Variants in ZNF385D observed in about 807,000 individuals in gnomAD.
ZNF385D encodes zinc finger protein 659.
A neutral mutation model predicts 35.8 loss-of-function variants in ZNF385D; 15 were observed. The ratio of observed to expected loss-of-function variants is 0.42; its 90% CI spans 0.28 to 0.64. ZNF385D has a LOEUF of 0.64. Ranked by LOEUF, ZNF385D falls within the 30% of genes least tolerant of loss-of-function variation. The pLI, the probability that ZNF385D is intolerant of heterozygous loss-of-function variation, is 0.23. For missense variants in ZNF385D, 474 were observed against 494.6 expected (o/e 0.96, Z 0.39); for synonymous variants, 212 against 186.8 (o/e 1.13, Z -1.10).
intron 3 of ZNF385D, among the ~76,000 whole-genome samples, chr3:22,077,767 A>T (rs941481698): frequency 6.6e-6 from 1 of 152,034 alleles, no homozygotes; most frequent in Admixed American, 6.6e-5. Context: ...GTTTCTAACA[A>T]CAACAAAAGA....
In ZNF385D at chr3:21,415,299, C is replaced by T. The variant is rs1700546869; in HGVS notation, c.*5915G>A. 1 of 152,074 alleles carries T rather than the reference C, an allele frequency of 6.6e-6. No individual in the cohort carries two copies. The highest frequency in any genetic ancestry group is 2.4e-5 in the African/African-American group (1 of 41,404). The allele number at this position is 152,074 out of a possible 1,614,324, so 9.4% of individuals were successfully genotyped here. A position where few individuals can be genotyped will look rare whatever the true frequency, so the allele number is the denominator to read the frequency against. On this transcript the variant is annotated 3_prime_UTR_variant, in exon 8 of 8. Coordinates refer to ENST00000281523, the MANE Select transcript of ZNF385D (RefSeq NM_024697.3). ...ATTTGAGGAAGATTTTATAAGCATT[C>T]AAAGTCAGTACTCAAAGTCAGTAGC... is the stretch of plus-strand genomic sequence containing the variant.
intron 3 of ZNF385D, among the ~76,000 whole-genome samples, chr3:21,989,592 C>T (rs998893562): frequency 1.3e-5 from 2 of 152,022 alleles, no homozygotes; most frequent in South Asian, 2.1e-4. Context: ...TTACACAATA[C>T]TAAATACCAA....
rs143489575 is a variant in ZNF385D, at chr3:22,223,993, A to C, written c.107-54958T>G. 5.3e-5 allele frequency among the ~76,000 whole-genome samples: 8 copies of C among 152,292 alleles called. No individual in the cohort carries two copies. In the East Asian group the frequency reaches 1.5e-3, roughly 29 times the overall value. ...CAGCATTTGGTGCCTGGTTCATAGA[A>C]TAACTCCACAAATGCCTGTACCCTG... On this transcript the variant is annotated intron_variant, in intron 2 of 5. Transcript: ENST00000494108.
intron 3 of ZNF385D, among the ~76,000 whole-genome samples, chr3:21,854,555 T>C (rs2336056): frequency 0.24 from 37,006 of 151,860 alleles, 4,770 homozygotes; most frequent in African/African-American, 0.3. Flanking sequence ...CCAGGCATTT[T>C]ATTTTACTCT....
chr3:22,168,043 G>A (rs936092195), intron 3 of ZNF385D, among the ~76,000 whole-genome samples: 2 of 152,036 alleles, frequency 1.3e-5, no homozygotes, highest in South Asian at 4.2e-4. Flanking sequence ...TCAAATATAG[G>A]AAGAGATTGA....
At chr3:22,269,792 C>T (rs919651603) in intron 2 of ZNF385D, among the ~76,000 whole-genome samples, 3 of 151,816 alleles carry the variant, frequency 2.0e-5, no homozygotes, top group African/African-American at 7.2e-5. Context: ...TCTCCACATT[C>T]TTTAATCCTC....
At chr3:22,126,613 T>C (rs1703446106) in intron 3 of ZNF385D, among the ~76,000 whole-genome samples, 1 of 152,138 alleles carries the variant, frequency 6.6e-6, no homozygotes, top group Non-Finnish European at 1.5e-5. Flanking sequence ...TGCTCCATCC[T>C]TGAGAATGAT....
intron 3 of ZNF385D, among the ~76,000 whole-genome samples, chr3:21,797,647 G>A (rs1011961170): frequency 1.3e-5 from 2 of 152,128 alleles, no homozygotes; most frequent in African/African-American, 4.8e-5. Context: ...TCCAGGCAAT[G>A]GAATATCAGT....
In ZNF385D at chr3:21,489,970, C is replaced by T. The variant is rs180944269; in HGVS notation, c.439+20891G>A. On this transcript the variant is annotated intron_variant, in intron 4 of 7. Transcript: ENST00000281523. ...CTACCATTCATCCTTTACATAAGTTCCTAAAATTCTTTTGCTTCAAACACA... is the reference window on the plus strand; with the variant it reads ...CTACCATTCATCCTTTACATAAGTTTCTAAAATTCTTTTGCTTCAAACACA... Among the ~76,000 whole-genome samples the T allele has an allele frequency of 3.9e-5, 6 of 152,220 alleles. No homozygotes were observed. In the East Asian group the frequency reaches 1.2e-3, roughly 29 times the overall value.
At chr3:21,831,896 G>C (rs993662433) in intron 3 of ZNF385D, among the ~76,000 whole-genome samples, 1 of 152,090 alleles carries the variant, frequency 6.6e-6, no homozygotes, top group South Asian at 2.1e-4. Context: ...AATATTAAAA[G>C]AAGCTTAGAG....
intron 3 of ZNF385D, among the ~76,000 whole-genome samples, chr3:22,154,430 G>A (rs1559412590): frequency 6.6e-6 from 1 of 152,040 alleles, no homozygotes; most frequent in South Asian, 2.1e-4. Flanking sequence ...AGCTACAGAG[G>A]GCTTCACCAC....
chr3:22,100,113 T>C (rs779192), intron 3 of ZNF385D, among the ~76,000 whole-genome samples: 123,515 of 142,830 alleles, frequency 0.86, 53,977 homozygotes, highest in African/African-American at 0.96. Flanking sequence ...CAGAGAAATG[T>C]AAATCAAAAC....
At chr3:21,933,451 T>C (rs1701111624) in intron 3 of ZNF385D, among the ~76,000 whole-genome samples, 1 of 152,214 alleles carries the variant, frequency 6.6e-6, no homozygotes, top group African/African-American at 2.4e-5. Context: ...TTTAAGAAGA[T>C]ACTAATACAC....
chr3:21,693,019 C>T (rs751076568), intron 1 of ZNF385D, among the ~76,000 whole-genome samples: 1 of 152,068 alleles, frequency 6.6e-6, no homozygotes, highest in Non-Finnish European at 1.5e-5. Flanking sequence ...AACCTCTTTG[C>T]CATCTTTTCC....
chr3:22,170,511 G>A (rs139849665), intron 2 of ZNF385D, among the ~76,000 whole-genome samples: 12 of 152,180 alleles, frequency 7.9e-5, no homozygotes, highest in Admixed American at 2.6e-4. Flanking sequence ...AGTACATAAC[G>A]CATGCTTTCT....
chr3:21,694,134 C>G (rs2067387748), intron 1 of ZNF385D, among the ~76,000 whole-genome samples: 1 of 147,854 alleles, frequency 6.8e-6, no homozygotes, highest in Non-Finnish European at 1.5e-5. Flanking sequence ...AGCTCCGCCT[C>G]CCGGGTTCAA....
chr3:21,625,402 T>C (rs2065108594), intron 2 of ZNF385D, among the ~76,000 whole-genome samples: 1 of 152,050 alleles, frequency 6.6e-6, no homozygotes, highest in Non-Finnish European at 1.5e-5. Flanking sequence ...GTGCTAAAGA[T>C]TTTTGGCCTT....
At chr3:21,627,122 T>C (rs898920505) in intron 2 of ZNF385D, among the ~76,000 whole-genome samples, 6 of 151,976 alleles carry the variant, frequency 3.9e-5, no homozygotes, top group Non-Finnish European at 8.8e-5. Flanking sequence ...AGATTATGTC[T>C]TTTGGTGTTA....
At chr3:22,202,109 A>C (rs936588506) in intron 2 of ZNF385D, among the ~76,000 whole-genome samples, 6 of 152,128 alleles carry the variant, frequency 3.9e-5, no homozygotes, top group African/African-American at 1.4e-4. Flanking sequence ...GCCTTTCTTT[A>C]GTTCAATTTT....
Sources: gnomAD v4.1 joint callset for allele counts (sites outside exome capture counted in the v4.1 genomes callset) on GRCh38, gnomAD v4.1.1 for gene constraint, MANE v1.5 for transcripts, NCBI Gene and HGNC (gene_info 2026-07-23, HGNC 2026-07-21) for gene names.